HIVEP3: variants seen among roughly 807,000 people sequenced by gnomAD.
HIVEP3 encodes the protein HIVEP zinc finger 3.
HIVEP3 carries 49 observed loss-of-function variants against 152.8 expected under a neutral mutation model. The observed-to-expected ratio is 0.32, with a 90% confidence interval of 0.26 to 0.41. HIVEP3 has a LOEUF of 0.41. HIVEP3 is among the 10% of genes least tolerant of loss of function. The pLI, the probability that HIVEP3 is intolerant of heterozygous loss-of-function variation, is 1.00. For missense variants in HIVEP3, 2,790 were observed against 3,103.3 expected, an observed-to-expected ratio of 0.90 and a Z score of 2.40; for synonymous variants, 1,269 against 1,289.0, an observed-to-expected ratio of 0.98 and a Z score of 0.33.
intron 5 of HIVEP3, among the ~76,000 whole-genome samples, chr1:41,549,288 G>A (rs1225912174): frequency 1.3e-5 from 2 of 152,216 alleles, no homozygotes; most frequent in East Asian, 1.9e-4. Flanking sequence ...GGGCATTTGA[G>A]TTGGTTCCAA....
In HIVEP3 at chr1:42,029,145, C is replaced by T. The variant is rs140561818; in HGVS notation, n.119+6662G>A. Among the ~76,000 whole-genome samples the T allele has an allele frequency of 3.6e-3, 549 of 152,274 alleles. 3 individuals are homozygous for T. The highest frequency in any genetic ancestry group is 0.02 in the Middle Eastern group (6 of 294). ...TTGTAAAGTCAGCTCAAAAACAGGA[C>T]ATCAGTAATTTATCACACTCAAAAG... On this transcript the variant is annotated intron_variant and non_coding_transcript_variant, in intron 1 of 3. Transcript: ENST00000489103.
intron 5 of HIVEP3, among the ~76,000 whole-genome samples, chr1:41,534,307 C>T (rs1424804991): frequency 6.6e-6 from 1 of 152,142 alleles, no homozygotes; most frequent in Non-Finnish European, 1.5e-5. Context: ...GCCCTTGCCA[C>T]CTCCCCAGCT....
intron 1 of HIVEP3, among the ~76,000 whole-genome samples, chr1:42,035,382 TC>T (rs1186947369): frequency 6.6e-6 from 1 of 152,178 alleles, no homozygotes; most frequent in Non-Finnish European, 1.5e-5. Context: ...CGCCGCTCAG[TC>T]TCCGTCTCCC....
At chr1:42,007,135 TG>T (rs1055648452) in intron 1 of HIVEP3, among the ~76,000 whole-genome samples, 1 of 152,166 alleles carries the variant, frequency 6.6e-6, no homozygotes, top group East Asian at 1.9e-4. Flanking sequence ...TCAACTTACA[TG>T]GACTTGGGTC....
chr1:41,565,738 T>C (rs985105782), intron 5 of HIVEP3, among the ~76,000 whole-genome samples: 1 of 152,144 alleles, frequency 6.6e-6, no homozygotes, highest in Non-Finnish European at 1.5e-5. Context: ...TACATCCTCG[T>C]TGTAGCTCTC....
At chr1:41,681,493 A>G (rs1646038188) in intron 2 of HIVEP3, among the ~76,000 whole-genome samples, 1 of 152,220 alleles carries the variant, frequency 6.6e-6, no homozygotes. Flanking sequence ...CCCCGGCAGA[A>G]CATACTAAAG....
intron 1 of HIVEP3, among the ~76,000 whole-genome samples, chr1:41,892,890 C>A (rs944350063): frequency 6.6e-6 from 1 of 151,918 alleles, no homozygotes; most frequent in Non-Finnish European, 1.5e-5. Context: ...GAGGTTGAGG[C>A]GAGCAGATTG....
rs776162193 is a variant in HIVEP3 at position 41,513,016 on chromosome 1, T to C, written c.6205A>G (p.Thr2069Ala). Residue 2069 changes from threonine (T) to alanine (A), a missense_variant, in exon 8 of 9, where the codon ACC becomes GCC. Around this residue, in one of 9 missense-constraint regions of HIVEP3, gnomAD observed 816 missense variants for 806.5 expected, o/e 1.01. Coordinates refer to ENST00000372583, the MANE Select transcript of HIVEP3 (RefSeq NM_024503.5). The part of the protein sequence containing the change: ...TDPGLPRYSP[T>A]RRWSPGQAES... ...GCCTGACCTGGAGACCATCTCCTGG[T>C]GGGCGAGTATCTGGGGAGGCCTGGG... The C allele has an allele frequency of 6.2e-7, 1 of 1,613,384 alleles. No individual in the cohort carries two copies. Among genetic ancestry groups the C allele is most frequent in the South Asian group, 1.1e-5 (1 of 91,060 alleles).
chr1:41,594,903 T>G (rs1489061843), intron 3 of HIVEP3, among the ~76,000 whole-genome samples: 5 of 152,192 alleles, frequency 3.3e-5, no homozygotes, highest in African/African-American at 4.8e-5. Flanking sequence ...GGCACTTATT[T>G]GTGTGTAAGG....
chr1:41,570,767 A>T (rs766857108), intron 5 of HIVEP3, among the ~76,000 whole-genome samples: 8 of 152,314 alleles, frequency 5.3e-5, no homozygotes, highest in Admixed American at 2.6e-4. Flanking sequence ...CTGCAAGGTG[A>T]GGGTCATCAT....
At chr1:41,995,524 A>C (rs1645391015) in intron 1 of HIVEP3, among the ~76,000 whole-genome samples, 1 of 152,230 alleles carries the variant, frequency 6.6e-6, no homozygotes, top group South Asian at 2.1e-4. Context: ...ATGAAGAAGA[A>C]GAAAGGTGAT....
intron 3 of HIVEP3, among the ~76,000 whole-genome samples, chr1:41,619,252 C>T (rs1645012605): frequency 6.6e-6 from 1 of 152,232 alleles, no homozygotes; most frequent in Admixed American, 6.5e-5. Flanking sequence ...TCGCCTCCCT[C>T]AGGTCTTTAC....
intron 1 of HIVEP3, among the ~76,000 whole-genome samples, chr1:41,971,841 G>A (rs545736955): frequency 6.6e-6 from 1 of 152,258 alleles, no homozygotes; most frequent in East Asian, 1.9e-4. Flanking sequence ...CAGCTCTGCT[G>A]TCATGGATGA....
intron 1 of HIVEP3, among the ~76,000 whole-genome samples, chr1:41,945,759 C>A (rs1168371623): frequency 6.6e-6 from 1 of 152,156 alleles, no homozygotes; most frequent in African/African-American, 2.4e-5. Flanking sequence ...ATGATGTCCA[C>A]TATAATACAT....
At chr1:41,824,844 T>TTA (rs1465417711) in intron 1 of HIVEP3, among the ~76,000 whole-genome samples, 2 of 77,310 alleles carry the variant, frequency 2.6e-5, no homozygotes, top group African/African-American at 1.2e-4. Flanking sequence ...GAGAGAGAGT[T>TTA]TATATATAGA....
At chr1:41,648,613 G>A (rs1645498392) in intron 2 of HIVEP3, among the ~76,000 whole-genome samples, 1 of 152,250 alleles carries the variant, frequency 6.6e-6, no homozygotes, top group Admixed American at 6.5e-5. Flanking sequence ...CTCTTTGTAT[G>A]TATTGGGATT....
At chr1:41,530,107 G>C (rs1261081600) in intron 5 of HIVEP3, among the ~76,000 whole-genome samples, 1 of 152,078 alleles carries the variant, frequency 6.6e-6, no homozygotes, top group African/African-American at 2.4e-5. Context: ...GGTGGACCCT[G>C]TTTTTTTGTC....
chr1:41,939,907 AT>A (rs1645037466), intron 1 of HIVEP3, among the ~76,000 whole-genome samples: 2 of 150,734 alleles, frequency 1.3e-5, no homozygotes, highest in East Asian at 1.9e-4. Flanking sequence ...CTTTTTCTTT[AT>A]TTTTTATTTC....
intron 1 of HIVEP3, among the ~76,000 whole-genome samples, chr1:41,992,207 T>C (rs1265792834): frequency 3.3e-5 from 5 of 151,730 alleles, no homozygotes; most frequent in Admixed American, 3.3e-4. Flanking sequence ...GGAAGTCAAA[T>C]TGTCCCTCTT....
Sources: gnomAD v4.1 joint callset for allele counts (sites outside exome capture counted in the v4.1 genomes callset) on GRCh38, gnomAD v4.1.1 for gene constraint, gnomAD v4.1.1 regional missense constraint, MANE v1.5 for transcripts, NCBI Gene and HGNC (gene_info 2026-07-23, HGNC 2026-07-21) for gene names.